Variants in GPR158 observed in about 807,000 individuals in gnomAD.
The protein encoded by GPR158 is G protein-coupled receptor 158.
Under a neutral mutation model 78.2 loss-of-function variants are expected in GPR158, and 30 were observed. The observed-to-expected ratio is 0.38, with a 90% CI of 0.29 to 0.52. GPR158 has a LOEUF of 0.52. GPR158 is among the 20% of genes least tolerant of loss of function. GPR158 has a pLI of 0.83. For synonymous variants in GPR158, 581 were observed against 591.1 expected (o/e 0.98, Z 0.25); for missense variants, 1,463 against 1,523.5 (o/e 0.96, Z 0.66).
chr10:25,334,536 T>G (rs1016012424), intron 2 of GPR158, among the ~76,000 whole-genome samples: 2 of 151,976 alleles, frequency 1.3e-5, no homozygotes, highest in African/African-American at 4.8e-5. Flanking sequence ...CATTTTTCAG[T>G]AAGCAATCCA....
chr10:25,346,120 C>A (rs1264763994), intron 2 of GPR158, among the ~76,000 whole-genome samples: 1 of 151,836 alleles, frequency 6.6e-6, no homozygotes, highest in East Asian at 1.9e-4. Context: ...TTATATATCT[C>A]ATATATAATG....
At chr10:25,272,028 T>C (rs1854124485) in intron 2 of GPR158, among the ~76,000 whole-genome samples, 1 of 152,160 alleles carries the variant, frequency 6.6e-6, no homozygotes, top group Admixed American at 6.5e-5. Flanking sequence ...ATTCTTCCTG[T>C]CATCTTAAAC....
At chr10:25,352,292 G>T (rs1016336356) in intron 2 of GPR158, among the ~76,000 whole-genome samples, 4 of 152,084 alleles carry the variant, frequency 2.6e-5, no homozygotes, top group African/African-American at 9.7e-5. Flanking sequence ...GAGCTTCACA[G>T]CAAGCTCAGC....
At position 25,356,672 on chromosome 10, in the gene GPR158, C is replaced by A. The variant is rs1387391134; in HGVS notation, c.1009-39239C>A. Among the ~76,000 whole-genome samples, 3 of 152,216 alleles carry A rather than the reference C, an allele frequency of 2.0e-5. No homozygotes were observed. In the East Asian group the frequency reaches 5.8e-4, roughly 30 times the overall value. ...ATAAGATGTGACTTGCTCATCCTTG[C>A]CTTCTGCCATGATTGTGAGGCCTCC... is the stretch of plus-strand genomic sequence containing the variant. On this transcript the variant is annotated intron_variant, in intron 2 of 10. Transcript: ENST00000376351.
At chr10:25,456,926 G>T (rs535626899) in intron 4 of GPR158, among the ~76,000 whole-genome samples, 98 of 151,814 alleles carry the variant, frequency 6.5e-4, no homozygotes, top group African/African-American at 2.3e-3. Context: ...TTTTCATGGG[G>T]GGTCTTTGTT....
chr10:25,448,294 GT>G (rs1835166623), intron 4 of GPR158, among the ~76,000 whole-genome samples: 1 of 151,622 alleles, frequency 6.6e-6, no homozygotes, highest in Non-Finnish European at 1.5e-5. Context: ...GTTTCACCGT[GT>G]TAGCCAGGAT....
intron 2 of GPR158, among the ~76,000 whole-genome samples, chr10:25,346,838 T>C (rs1384116686): frequency 6.6e-6 from 1 of 151,894 alleles, no homozygotes; most frequent in Admixed American, 6.6e-5. Flanking sequence ...CCAGTATACC[T>C]GACACAGACA....
chr10:25,333,157 T>C (rs1057017812), intron 2 of GPR158, among the ~76,000 whole-genome samples: 1 of 152,160 alleles, frequency 6.6e-6, no homozygotes, highest in African/African-American at 2.4e-5. Flanking sequence ...CTGTAGAACA[T>C]AACTCTTCTT....
In GPR158 at chr10:25,541,849, G is replaced by A. The variant is rs537918101; in HGVS notation, c.1405-9127G>A. Among the ~76,000 whole-genome samples the A allele has an allele frequency of 7.9e-4, 119 of 150,832 alleles. 1 individual carries two copies. Among genetic ancestry groups the A allele is most frequent in the African/African-American group, 2.7e-3 (111 of 41,010 alleles). On this transcript the variant is annotated intron_variant, in intron 5 of 10. Coordinates refer to ENST00000376351, the MANE Select transcript of GPR158 (RefSeq NM_020752.3). Reference sequence around the variant, plus strand: ...TCTTCCCATGTTGTTAGGATTGTTGGCAGCATAGCAAACCTGGGGATGAGC... The same window carrying A: ...TCTTCCCATGTTGTTAGGATTGTTGACAGCATAGCAAACCTGGGGATGAGC...
chr10:25,482,120 C>G (rs1835669991), intron 5 of GPR158, among the ~76,000 whole-genome samples: 1 of 152,120 alleles, frequency 6.6e-6, no homozygotes, highest in African/African-American at 2.4e-5. Flanking sequence ...TCCCACCAAT[C>G]TGGGATGATG....
chr10:25,337,243 C>A (rs980486708), intron 2 of GPR158, among the ~76,000 whole-genome samples: 1 of 152,040 alleles, frequency 6.6e-6, no homozygotes, highest in Non-Finnish European at 1.5e-5. Context: ...AGAGAACACA[C>A]CCATGTAAAC....
intron 2 of GPR158, among the ~76,000 whole-genome samples, chr10:25,227,867 A>C (rs568204560): frequency 1.6e-4 from 25 of 152,310 alleles, no homozygotes; most frequent in African/African-American, 6.0e-4. Context: ...GTCTTCACAC[A>C]TATTTAAGAA....
At chr10:25,460,997 A>G (rs1835352240) in intron 4 of GPR158, among the ~76,000 whole-genome samples, 1 of 152,146 alleles carries the variant, frequency 6.6e-6, no homozygotes. Flanking sequence ...CCCACATAAG[A>G]CGGTGAACTT....
intron 3 of GPR158, among the ~76,000 whole-genome samples, chr10:25,397,871 TA>T (rs1834383435): frequency 6.6e-6 from 1 of 152,148 alleles, no homozygotes; most frequent in African/African-American, 2.4e-5. Flanking sequence ...CTTTTGTGAT[TA>T]TATTATTTTA....
At chr10:25,289,591 C>T (rs1465415508) in intron 2 of GPR158, among the ~76,000 whole-genome samples, 1 of 151,962 alleles carries the variant, frequency 6.6e-6, no homozygotes, top group Admixed American at 6.6e-5. Context: ...CACCACCACC[C>T]CCGGCTAATT....
chr10:25,541,222 A>C (rs1254088878), intron 5 of GPR158, among the ~76,000 whole-genome samples: 2 of 152,022 alleles, frequency 1.3e-5, no homozygotes, highest in Admixed American at 1.3e-4. Context: ...AGGACTTGCC[A>C]ATCATAATTC....
At position 25,297,776 on chromosome 10, in the gene GPR158, T is replaced by C. The variant is rs149788508; in HGVS notation, c.1008+76619T>C. ...ACAGACACAGAGTTGAATTTCTACA[T>C]GTGTCAGTAGCTGTGTACTTGTGTT... is the stretch of plus-strand genomic sequence containing the variant. On this transcript the variant is annotated intron_variant, in intron 2 of 10. Transcript: ENST00000376351. 6.0e-3 allele frequency among the ~76,000 whole-genome samples: 916 copies of C among 152,312 alleles called. 10 individuals are homozygous for C. The highest frequency in any genetic ancestry group is 0.021 in the African/African-American group (865 of 41,564).
At chr10:25,338,914 C>A (rs985644028) in intron 2 of GPR158, among the ~76,000 whole-genome samples, 1 of 151,504 alleles carries the variant, frequency 6.6e-6, no homozygotes, top group Non-Finnish European at 1.5e-5. Flanking sequence ...ATTTTGATTT[C>A]CTTTATTTTC....
chr10:25,313,598 A>T (rs139135618), intron 2 of GPR158, among the ~76,000 whole-genome samples: 1 of 151,964 alleles, frequency 6.6e-6, no homozygotes, highest in Non-Finnish European at 1.5e-5. Flanking sequence ...GGCCATAATG[A>T]TGTCATTTTT....
Sources: gnomAD v4.1 joint callset for allele counts (sites outside exome capture counted in the v4.1 genomes callset) on GRCh38, gnomAD v4.1.1 for gene constraint, MANE v1.5 for transcripts, NCBI Gene and HGNC (gene_info 2026-07-23, HGNC 2026-07-21) for gene names.